Variants in GPC5 observed in about 807,000 individuals in gnomAD.
The protein encoded by GPC5 is glypican-5.
Under a neutral mutation model 53.9 loss-of-function variants are expected in GPC5, and 47 were observed. The observed-to-expected ratio is 0.87, with a 90% confidence interval of 0.69 to 1.11. The LOEUF is 1.11. Ranked by LOEUF, GPC5 falls within the 50% of genes most tolerant of loss-of-function variation. The pLI is 0.00. For missense variants in GPC5, 748 were observed against 713.1 expected (o/e 1.05, Z -0.56); for synonymous variants, 286 against 263.3 (o/e 1.09, Z -0.84).
intron 7 of GPC5, among the ~76,000 whole-genome samples, chr13:92,173,359 T>C (rs2042084270): frequency 1.3e-5 from 2 of 152,156 alleles, no homozygotes; most frequent in South Asian, 4.1e-4. Context: ...TTGACTGTGG[T>C]ATGTGAAGAC....
At chr13:92,382,164 T>C (rs1379483040) in intron 7 of GPC5, among the ~76,000 whole-genome samples, 5 of 151,528 alleles carry the variant, frequency 3.3e-5, no homozygotes, top group African/African-American at 1.2e-4. Context: ...GAAGCTAAGC[T>C]ATGAGGACGC....
intron 7 of GPC5, among the ~76,000 whole-genome samples, chr13:92,763,153 T>G (rs1875256441): frequency 6.6e-6 from 1 of 152,224 alleles, no homozygotes; most frequent in South Asian, 2.1e-4. Flanking sequence ...TTTATTCTTT[T>G]GATGATATCA....
Position 92,866,374 on chromosome 13 carries a change from G to A in GPC5, c.1654G>A (p.Val552Met). 3 of 1,613,010 alleles carry A rather than the reference G, an allele frequency of 1.9e-6. No homozygotes were observed. Among genetic ancestry groups the A allele is most frequent in the Non-Finnish European group, 2.5e-6 (3 of 1,179,250 alleles). The change falls in exon 8 of 8, where the codon GTG becomes ATG. Residue 552 changes from valine to methionine, a missense_variant. Coordinates refer to ENST00000377067, the MANE Select transcript of GPC5 (RefSeq NM_004466.6). Reference sequence around the variant, plus strand: ...AGACACAACAGGAGCAGGATGTGCAGTGGCGACTGAATCTATGACATTCAC... The same window carrying A: ...AGACACAACAGGAGCAGGATGTGCAATGGCGACTGAATCTATGACATTCAC... ...TLDTTGAGCAVATESMTFTLI... is the reference protein window; with the variant it reads ...TLDTTGAGCAMATESMTFTLI...
At chr13:92,179,817 G>A (rs531098554) in intron 7 of GPC5, among the ~76,000 whole-genome samples, 1 of 152,162 alleles carries the variant, frequency 6.6e-6, no homozygotes, top group Non-Finnish European at 1.5e-5. Flanking sequence ...TTAAAGCAAA[G>A]TATTTGTACA....
intron 5 of GPC5, among the ~76,000 whole-genome samples, chr13:91,813,759 T>C (rs1167757466): frequency 6.6e-6 from 1 of 152,066 alleles, no homozygotes; most frequent in South Asian, 2.1e-4. Context: ...AATAACCTAA[T>C]TAGTTTAGAA....
intron 7 of GPC5, among the ~76,000 whole-genome samples, chr13:92,791,831 A>T (rs1428501344): frequency 1.3e-5 from 2 of 152,138 alleles, no homozygotes; most frequent in Non-Finnish European, 2.9e-5. Context: ...TTATTTTTTT[A>T]AAACTTTGTA....
chr13:91,832,611 C>T (rs2038675020), intron 5 of GPC5, among the ~76,000 whole-genome samples: 1 of 151,684 alleles, frequency 6.6e-6, no homozygotes, highest in South Asian at 2.1e-4. Flanking sequence ...TTTGCAGTGG[C>T]AGATACTGGT....
intron 5 of GPC5, among the ~76,000 whole-genome samples, chr13:91,865,991 C>T (rs2039079646): frequency 6.6e-6 from 1 of 152,208 alleles, no homozygotes. Context: ...CCTCAGCCTC[C>T]CAAGTAGCTG....
At chr13:92,825,507 C>A (rs968427098) in intron 7 of GPC5, among the ~76,000 whole-genome samples, 2 of 152,030 alleles carry the variant, frequency 1.3e-5, no homozygotes, top group African/African-American at 2.4e-5. Flanking sequence ...TATTAAAGTG[C>A]CAAAGTAGCT....
At chr13:91,522,022 G>A (rs752228620) in intron 2 of GPC5, among the ~76,000 whole-genome samples, 11 of 152,240 alleles carry the variant, frequency 7.2e-5, no homozygotes, top group South Asian at 2.1e-4. Context: ...ATATAAGGCT[G>A]GGTATGGAGG....
At chr13:91,483,920 G>A (rs186164064) in intron 2 of GPC5, among the ~76,000 whole-genome samples, 1 of 152,236 alleles carries the variant, frequency 6.6e-6, no homozygotes, top group East Asian at 1.9e-4. Context: ...TATGAATAAT[G>A]TTAAGTGGAG....
chr13:91,416,073 C>G (rs1484261714), intron 1 of GPC5, among the ~76,000 whole-genome samples: 1 of 152,010 alleles, frequency 6.6e-6, no homozygotes, highest in Non-Finnish European at 1.5e-5. Flanking sequence ...AATCAAAGAA[C>G]AGGAAATTAC....
chr13:92,234,147 G>A (rs1338030358), intron 7 of GPC5, among the ~76,000 whole-genome samples: 2 of 152,132 alleles, frequency 1.3e-5, no homozygotes, highest in African/African-American at 4.8e-5. Flanking sequence ...ATAGCAGCAT[G>A]ATTTATAATC....
At chr13:92,224,908 T>C (rs2042474038) in intron 7 of GPC5, among the ~76,000 whole-genome samples, 1 of 152,216 alleles carries the variant, frequency 6.6e-6, no homozygotes, top group Non-Finnish European at 1.5e-5. Context: ...TGCAGTAATA[T>C]ATCATCACTA....
At chr13:92,233,653 T>G (rs1432139721) in intron 7 of GPC5, among the ~76,000 whole-genome samples, 1 of 152,106 alleles carries the variant, frequency 6.6e-6, no homozygotes, top group Non-Finnish European at 1.5e-5. Flanking sequence ...GGATGTTACT[T>G]TTTATTTATT....
At chr13:92,122,014 C>A (rs762426344) in intron 6 of GPC5, among the ~76,000 whole-genome samples, 1 of 152,158 alleles carries the variant, frequency 6.6e-6, no homozygotes, top group Non-Finnish European at 1.5e-5. Context: ...AAGCAACTTG[C>A]GACAAATCAC....
chr13:92,414,970 A>G (rs1401302875), intron 7 of GPC5, among the ~76,000 whole-genome samples: 1 of 152,202 alleles, frequency 6.6e-6, no homozygotes, highest in Non-Finnish European at 1.5e-5. Flanking sequence ...CATTCAGACC[A>G]TAGCAAGGGG....
rs78657675 is a variant in GPC5 at position 91,690,839 on chromosome 13, A to G, written c.326-2348A>G. Among the ~76,000 whole-genome samples the G allele has an allele frequency of 2.3e-3, 352 of 152,352 alleles. 3 individuals are homozygous for G. The highest frequency in any genetic ancestry group is 0.016 in the East Asian group (82 of 5,190). On this transcript the variant is annotated intron_variant, in intron 2 of 7. Transcript: ENST00000377067. ...TCAGTCACATGAACACATATAGCAC[A>G]TATCTTAGAAACCTGGGTGGAAAGC...
chr13:91,405,624 G>C (rs1877265000), intron 1 of GPC5, among the ~76,000 whole-genome samples: 1 of 152,076 alleles, frequency 6.6e-6, no homozygotes, highest in Non-Finnish European at 1.5e-5. Flanking sequence ...TTTAACTCTG[G>C]GTCTTTTGCC....
Sources: allele counts gnomAD v4.1 joint callset (sites outside exome capture counted in the v4.1 genomes callset), GRCh38; gene constraint gnomAD v4.1.1; transcripts MANE v1.5; gene names NCBI Gene and HGNC (gene_info 2026-07-23, HGNC 2026-07-21).